Variants in LSM14A observed in about 807,000 individuals in gnomAD.
LSM14A encodes LSM14A mRNA processing body assembly factor.
In LSM14A, 14 loss-of-function variants were observed where a neutral mutation model predicts 52.4. That is an observed-to-expected ratio of 0.27 (90% CI 0.18 to 0.42). The LOEUF (loss-of-function observed/expected upper bound fraction) is 0.42, where lower values mean the gene tolerates loss of function less well. Ranked by LOEUF, LSM14A falls within the 10% of genes least tolerant of loss-of-function variation. The pLI is 1.00. For missense variants in LSM14A, 417 were observed against 581.8 expected (o/e 0.72, Z 2.91); for synonymous variants, 185 against 200.3 (o/e 0.92, Z 0.64).
At chr19:34,198,500 C>T (rs1242950803) in intron 3 of LSM14A, among the ~76,000 whole-genome samples, 2 of 152,070 alleles carry the variant, frequency 1.3e-5, no homozygotes, top group African/African-American at 2.4e-5. Flanking sequence ...CCTGTAATCC[C>T]GGCTACTAGG....
chr19:34,197,827 T>C (rs544566859), intron 3 of LSM14A, among the ~76,000 whole-genome samples: 2 of 152,352 alleles, frequency 1.3e-5, no homozygotes, highest in Admixed American at 1.3e-4. Context: ...CTTGGTGTTT[T>C]GTTTCTGTAA....
intron 1 of LSM14A, among the ~76,000 whole-genome samples, chr19:34,182,611 G>A (rs1361244668): frequency 2.0e-5 from 3 of 150,684 alleles, no homozygotes; most frequent in African/African-American, 7.3e-5. Flanking sequence ...GCCAAGGCGG[G>A]CAGATCACAA....
intron 1 of LSM14A, among the ~76,000 whole-genome samples, chr19:34,175,423 G>A (rs1023212745): frequency 3.9e-5 from 6 of 151,994 alleles, no homozygotes; most frequent in African/African-American, 1.5e-4. Context: ...GTTGAGACAG[G>A]CTTTCACCAT....
At chr19:34,173,130 C>G (rs1246063488) in intron 1 of LSM14A, among the ~76,000 whole-genome samples, 2 of 152,244 alleles carry the variant, frequency 1.3e-5, no homozygotes, top group Non-Finnish European at 2.9e-5. Flanking sequence ...AATTTTTCCG[C>G]CCAGCTTGAG....
chr19:34,177,379 C>G (rs1319573824), intron 1 of LSM14A, among the ~76,000 whole-genome samples: 2 of 152,036 alleles, frequency 1.3e-5, no homozygotes, highest in African/African-American at 4.8e-5. Flanking sequence ...GTGAGATATT[C>G]AGAGCTTTAT....
intron 9 of LSM14A, among the ~76,000 whole-genome samples, chr19:34,225,865 C>T (rs1002146979): frequency 1.6e-4 from 24 of 152,096 alleles, no homozygotes; most frequent in African/African-American, 5.8e-4. Context: ...AATTCAAGGA[C>T]AGCATGGGCA....
intron 3 of LSM14A, among the ~76,000 whole-genome samples, chr19:34,203,172 G>T (rs377161385): frequency 2.0e-5 from 3 of 152,186 alleles, no homozygotes; most frequent in African/African-American, 7.2e-5. Context: ...AGATTGACCA[G>T]CTATCTAAAG....
intron 6 of LSM14A, among the ~76,000 whole-genome samples, 186 bp from the exon 7 acceptor site, chr19:34,219,202 ACAT>A (rs1447973244): frequency 8.5e-5 from 13 of 152,244 alleles, no homozygotes; most frequent in African/African-American, 3.1e-4. Flanking sequence ...TTCTCAGTCT[ACAT>A]ATTAAATATT....
At chr19:34,211,504 C>G (rs569140062) in intron 4 of LSM14A, among the ~76,000 whole-genome samples, 2 of 151,898 alleles carry the variant, frequency 1.3e-5, no homozygotes, top group Non-Finnish European at 2.9e-5. Flanking sequence ...AAAAACATAT[C>G]TTATTGCTAG....
chr19:34,227,251 A>G, intron 9 of LSM14A, 114 bp from the exon 10 acceptor site: 1 of 722,736 alleles, frequency 1.4e-6, no homozygotes, highest in South Asian at 1.7e-5. Flanking sequence ...TTTCTATGAA[A>G]GTAAAAGTGG....
Position 34,219,375 on chromosome 19 carries a change from T to C in LSM14A, c.782-16T>C. On this transcript the variant is annotated splice_polypyrimidine_tract_variant and intron_variant, in intron 6 of 9. Coordinates refer to ENST00000544216, the MANE Select transcript of LSM14A (RefSeq NM_015578.4). ...ACATATTGAATGTCCTTTGTATATA[T>C]TCTTTATTATCATAGCTCCAGGTGC... 1 of 1,587,494 alleles carries C rather than the reference T, an allele frequency of 6.3e-7. No homozygotes were observed. The highest frequency in any genetic ancestry group is 8.6e-7 in the Non-Finnish European group (1 of 1,165,292).
chr19:34,221,617 G>A lies in LSM14A; in HGVS notation c.1247G>A (p.Gly416Asp), dbSNP rs749637490. Residue 416 changes from glycine to aspartate, a missense_variant, in exon 9 of 10, where the codon GGT becomes GAT. Around this residue, in one of 2 missense-constraint regions of LSM14A, gnomAD observed 357 missense variants for 457.0 expected, o/e 0.78. Coordinates refer to ENST00000544216, the MANE Select transcript of LSM14A (RefSeq NM_015578.4). ...RGGYRGRGGL[G>D]FRGGRGRGGG... ...GGATACAGAGGCAGAGGAGGTCTTG[G>A]TTTCCGTGGTGGCAGAGGGCGTGGT... 1.9e-6 allele frequency: 3 copies of A among 1,614,050 alleles called. No individual in the cohort carries two copies. Among genetic ancestry groups the A allele is most frequent in the Non-Finnish European group, 2.5e-6 (3 of 1,180,040 alleles).
chr19:34,183,982 T>G (rs2069692504), intron 1 of LSM14A, among the ~76,000 whole-genome samples: 1 of 152,128 alleles, frequency 6.6e-6, no homozygotes, highest in Non-Finnish European at 1.5e-5. Flanking sequence ...TTGTTGATGT[T>G]TAGTCAGTAG....
In LSM14A at chr19:34,215,213, G is replaced by C; in HGVS notation, c.628G>C (p.Ala210Pro). ...CGCCTCAGCCCACTTACCTGCTCCA[G>C]CAGCTGTTGGGAGAAGGAGTCCTGT... ...QTASAHLPAP[A>P]AVGRRSPVST... The change falls in exon 5 of 10, where the codon GCA becomes CCA. Residue 210 changes from alanine to proline, a missense_variant. This residue lies in a region of LSM14A where 357 missense variants were observed against 457.0 expected (regional missense o/e 0.78). Coordinates refer to ENST00000544216, the MANE Select transcript of LSM14A (RefSeq NM_015578.4). The C allele has an allele frequency of 1.2e-6, 2 of 1,614,170 alleles. No individual in the cohort carries two copies. Among genetic ancestry groups the C allele is most frequent in the African/African-American group, 2.7e-5 (2 of 75,046 alleles).
intron 1 of LSM14A, among the ~76,000 whole-genome samples, chr19:34,187,984 A>G (rs1462802067): frequency 6.6e-6 from 1 of 152,168 alleles, no homozygotes; most frequent in Non-Finnish European, 1.5e-5. Context: ...TTCTATTTTA[A>G]GACTAATAAA....
At chr19:34,184,976 G>A (rs1024712993) in intron 1 of LSM14A, among the ~76,000 whole-genome samples, 5 of 152,218 alleles carry the variant, frequency 3.3e-5, no homozygotes, top group African/African-American at 1.2e-4. Context: ...AGTTACATAA[G>A]AGAGATCCTT....
In LSM14A at chr19:34,215,181, T is replaced by G. The variant is rs2072481467; in HGVS notation, c.596T>G (p.Val199Gly). Residue 199 changes from valine to glycine, a missense_variant, in exon 5 of 10, where the codon GTG becomes GGG. Coordinates refer to ENST00000544216, the MANE Select transcript of LSM14A (RefSeq NM_015578.4). ...AAAAGCCCAACCATGGAACAAGCAG[T>G]GCAGACCGCCTCAGCCCACTTACCT... ...LRKSPTMEQA[V>G]QTASAHLPAP... The G allele has an allele frequency of 6.2e-7, 1 of 1,614,004 alleles. No homozygotes were observed. The highest frequency in any genetic ancestry group is 8.5e-7 in the Non-Finnish European group (1 of 1,180,020).
At chr19:34,218,724 CTT>C (rs2072854714) in intron 6 of LSM14A, among the ~76,000 whole-genome samples, 1 of 151,998 alleles carries the variant, frequency 6.6e-6, no homozygotes, top group African/African-American at 2.4e-5. Context: ...TATCATGTCT[CTT>C]ATGATTGGCT....
At chr19:34,182,909 A>ACGCCCT (rs2069598960) in intron 1 of LSM14A, among the ~76,000 whole-genome samples, 1 of 149,670 alleles carries the variant, frequency 6.7e-6, no homozygotes, top group African/African-American at 2.5e-5. Context: ...TACCTCTGAC[A>ACGCCCT]CGCCCTCCCT....
Sources: allele counts gnomAD v4.1 joint callset (sites outside exome capture counted in the v4.1 genomes callset), GRCh38; gene constraint gnomAD v4.1.1; regional missense constraint gnomAD v4.1.1; transcripts MANE v1.5; gene names NCBI Gene and HGNC (gene_info 2026-07-23, HGNC 2026-07-21).